The following POLL variants were observed in gnomAD, a reference collection of about 807,000 sequenced individuals.
POLL encodes DNA polymerase lambda.
POLL carries 44 observed loss-of-function variants against 58.1 expected under a neutral mutation model. The ratio of observed to expected loss-of-function variants is 0.76; its 90% CI spans 0.60 to 0.97. POLL has a LOEUF of 0.97. Among genes scored for constraint, POLL ranks in the 50% least tolerant of loss-of-function variants. The pLI, the probability that POLL is intolerant of heterozygous loss-of-function variation, is 0.00. For missense variants in POLL, 632 were observed against 736.8 expected (o/e 0.86, Z 1.65); for synonymous variants, 290 against 283.2 (o/e 1.02, Z -0.24).
chr10:101,587,492 A>T, intron 1 of POLL, 86 bp from the exon 2 acceptor site: 12 of 1,444,170 alleles, frequency 8.3e-6, no homozygotes, highest in Admixed American at 6.1e-5. Context: ...TGGGGGTAGC[A>T]GCCCAGTTTG....
Position 101,583,791 on chromosome 10 carries a change from T to A in POLL, c.892-110A>T, listed in dbSNP as rs2063139900. Reference sequence around the variant, plus strand: ...GCAGATGCTGACATAAAAGCCAGCCTGGCTGCTTGGCAACTGTGTGGCTGT... The same window carrying A: ...GCAGATGCTGACATAAAAGCCAGCCAGGCTGCTTGGCAACTGTGTGGCTGT... On this transcript the variant is annotated intron_variant, in intron 5 of 8. Transcript: ENST00000370162. 7.8e-6 allele frequency: 7 copies of A among 893,878 alleles called. No individual in the cohort carries two copies. The South Asian group carries it at 1.1e-4, about 14-fold the overall frequency. The allele number at this position is 893,878 out of a possible 1,614,324, so 55.4% of individuals were successfully genotyped here.
rs3730474 is a variant in POLL, at chr10:101,580,478, T to C, written c.1195-62A>G. The C allele has an allele frequency of 0.27, 394,958 of 1,483,184 alleles. 54,849 individuals carry two copies. Among genetic ancestry groups the C allele is most frequent in the Non-Finnish European group, 0.29 (315,645 of 1,076,054 alleles). The allele number at this position is 1,483,184 out of a possible 1,614,324, so 91.9% of individuals were successfully genotyped here. A position where few individuals can be genotyped will look rare whatever the true frequency, so the allele number is the denominator to read the frequency against. On this transcript the variant is annotated intron_variant, in intron 7 of 8. Coordinates refer to ENST00000370162, the MANE Select transcript of POLL (RefSeq NM_001174084.2). This position sits in a 1 kb window ranked among gnomAD's most constrained non-coding sequence, Gnocchi z 4.1. ...GTGGGGAGCTCCTCTCCCACAGCAG[T>C]ACAAGGGCCTTCCCAGACTCGGGCC...
In POLL at chr10:101,580,719, A is replaced by T; in HGVS notation, c.1195-303T>A. ...TGGAGCTCTTTAAGAGTAGGGAGACACAGACTCTCTCTGCCCCTGCCCCAG... is the reference window on the plus strand; with the variant it reads ...TGGAGCTCTTTAAGAGTAGGGAGACTCAGACTCTCTCTGCCCCTGCCCCAG... On this transcript the variant is annotated intron_variant, in intron 7 of 8. Coordinates refer to ENST00000370162, the MANE Select transcript of POLL (RefSeq NM_001174084.2). The surrounding 1 kb of genome is among the most constrained non-coding windows in gnomAD (Gnocchi z 4.1). 3.4e-6 allele frequency: 1 copy of T among 291,216 alleles called. No homozygotes were observed. Among genetic ancestry groups the T allele is most frequent in the Non-Finnish European group, 6.4e-6 (1 of 156,374 alleles). 18.0% of individuals were successfully genotyped at this position (291,216 alleles called of 1,614,324 possible). A position where few individuals can be genotyped will look rare whatever the true frequency, so the allele number is the denominator to read the frequency against.
Position 101,587,335 on chromosome 10 carries a change from G to A in POLL, c.26C>T (p.Ala9Val). ...ATGAATTTTCTGCCGCTTGGGAAAT[G>A]CCTTCAAGATACCCCTGGGATCCAT... is the stretch of plus-strand genomic sequence containing the variant. MDPRGILK[A>V]FPKRQKIHAD... is the part of the protein sequence containing the mutation. The change falls in exon 2 of 9, where the codon GCA becomes GTA. Residue 9 changes from alanine to valine, a missense_variant. By Grantham distance (64) the Ala-to-Val change is moderately conservative. Transcript: ENST00000370162. 6.2e-7 allele frequency: 1 copy of A among 1,614,152 alleles called. No homozygotes were observed.
chr10:101,587,514 C>A, intron 1 of POLL, 108 bp from the exon 2 acceptor site: 1 of 1,241,786 alleles, frequency 8.1e-7, no homozygotes, highest in Non-Finnish European at 1.0e-6. Context: ...GGAAGCGGGT[C>A]GGGGGAGGGG....
rs911077073 is a variant in POLL, at chr10:101,579,273, C to T, written c.*180G>A. 1.0e-5 allele frequency: 7 copies of T among 671,346 alleles called. No individual in the cohort carries two copies. Among genetic ancestry groups the T allele is most frequent in the South Asian group, 5.9e-5 (3 of 51,272 alleles). 41.6% of individuals were successfully genotyped at this position (671,346 alleles called of 1,614,324 possible). ...AGAGGGCTGGGCAGACACTGGGAGC[C>T]GGGCAGACACTGGGAGCCGGGCTGG... On this transcript the variant is annotated 3_prime_UTR_variant, in exon 9 of 9. Coordinates refer to ENST00000370162, the MANE Select transcript of POLL (RefSeq NM_001174084.2). This position sits in a 1 kb window ranked among gnomAD's most constrained non-coding sequence, Gnocchi z 4.4.
At position 101,583,513 on chromosome 10, in the gene POLL, G is replaced by A; in HGVS notation, c.1060C>T (p.Gln354Ter). 1 of 1,612,762 alleles carries A rather than the reference G, an allele frequency of 6.2e-7. No homozygotes were observed. Among genetic ancestry groups the A allele is most frequent in the Non-Finnish European group, 8.5e-7 (1 of 1,180,012 alleles). The change falls in exon 6 of 9, where the codon CAA becomes TAA. Residue 354 changes from glutamine (Q) to a stop codon, truncating the protein, a stop_gained. Coordinates refer to ENST00000370162, the MANE Select transcript of POLL (RefSeq NM_001174084.2). LOFTEE classifies it high-confidence loss of function. ...GGGCTGAGCCAGGGTGTGACCTGTT[G>A]GTACCACATCTGGGCAGTCTTGGTC... The part of the protein sequence containing the change: ...AGTKTAQMWY[Q>*]QGFRSLEDIR...
chr10:101,587,537 C>T lies in POLL; in HGVS notation c.-46-131G>A. On this transcript the variant is annotated intron_variant, in intron 1 of 8. Transcript: ENST00000370162. ...GTCGGGGGAGGGGGTCTCTTCAAAC[C>T]CGGTTAAACTTCAGTGGTTTAGCCT... is the stretch of plus-strand genomic sequence containing the variant. 2.0e-6 allele frequency: 3 copies of T among 1,477,744 alleles called. No homozygotes were observed. The South Asian group carries it at 3.7e-5, about 18-fold the overall frequency. The allele number at this position is 1,477,744 out of a possible 1,614,324, so 91.5% of individuals were successfully genotyped here. A position where few individuals can be genotyped will look rare whatever the true frequency, so the allele number is the denominator to read the frequency against.
chr10:101,582,884 C>T lies in POLL; in HGVS notation c.1073G>A (p.Arg358Gln), dbSNP rs1174723963. ...TAQMWYQQGF[R>Q]SLEDIRSQAS... Reference sequence around the variant, plus strand: ...CTGGCTGCGGATGTCTTCCAGACTTCGGAAGCCCTGGAAAAAAGCAGCCAG... The same window carrying T: ...CTGGCTGCGGATGTCTTCCAGACTTTGGAAGCCCTGGAAAAAAGCAGCCAG... The change falls in exon 7 of 9, where the codon CGA becomes CAA. Residue 358 changes from arginine (R) to glutamine (Q), a missense_variant. Physicochemically the swap from Arg to Gln is conservative, Grantham distance 43. Transcript: ENST00000370162. 1.4e-5 allele frequency: 22 copies of T among 1,614,132 alleles called. No individual in the cohort carries two copies. Among genetic ancestry groups the T allele is most frequent in the African/African-American group, 2.7e-5 (2 of 75,020 alleles).
chr10:101,582,474 C>T (rs939184400), intron 7 of POLL, among the ~76,000 whole-genome samples: 1 of 152,180 alleles, frequency 6.6e-6, no homozygotes, highest in African/African-American at 2.4e-5. Context: ...CTAACATTAA[C>T]CCAATCCTAA....
In POLL at chr10:101,585,451, C is replaced by T; in HGVS notation, c.438G>A (p.Lys146=). Residue 146 remains lysine, a synonymous_variant, in exon 4 of 9, where the codon AAG becomes AAA. Coordinates refer to ENST00000370162, the MANE Select transcript of POLL (RefSeq NM_001174084.2). ...GAGGAATAGAAGCATCCTGCTCTGC[C>T]TTGCTGGGCTGTGGATGGTCCAAGT... ...SRYLDHPQPS[K]AEQDASIPPG... The T allele has an allele frequency of 6.3e-7, 1 of 1,578,700 alleles. No homozygotes were observed. Among genetic ancestry groups the T allele is most frequent in the Non-Finnish European group, 8.6e-7 (1 of 1,164,052 alleles).
rs1177928022 is a variant in POLL at position 101,587,920 on chromosome 10, C to T, written c.-145G>A. ...CTCAGCCTCTCGACATGGGGGTGCT[C>T]AGCGCCGCAGCTGCGGGGAGATGGG... On this transcript the variant is annotated 5_prime_UTR_variant, in exon 1 of 9. Coordinates refer to ENST00000370162, the MANE Select transcript of POLL (RefSeq NM_001174084.2). 8.2e-7 allele frequency: 1 copy of T among 1,221,586 alleles called. No homozygotes were observed. Among genetic ancestry groups the T allele is most frequent in the African/African-American group, 1.6e-5 (1 of 64,070 alleles). 75.7% of individuals were successfully genotyped at this position (1,221,586 alleles called of 1,614,324 possible). A position where few individuals can be genotyped will look rare whatever the true frequency, so the allele number is the denominator to read the frequency against.
At chr10:101,583,812 G>A (rs903351141) in intron 5 of POLL, 131 bp from the exon 6 acceptor site, 2 of 713,238 alleles carry the variant, frequency 2.8e-6, no homozygotes, top group Admixed American at 4.8e-5. Context: ...CAACTGTGTG[G>A]CTGTGTAAAG....
intron 7 of POLL, among the ~76,000 whole-genome samples, chr10:101,582,433 A>G (rs1167281665): frequency 2.0e-5 from 3 of 152,220 alleles, no homozygotes; most frequent in Admixed American, 2.0e-4. Context: ...CCCTAACCTC[A>G]GTACAGATAT....
rs1374469114 is a variant in POLL at position 101,579,633 on chromosome 10, C to T, written c.1548G>A (p.Met516Ile). 6.2e-7 allele frequency: 1 copy of T among 1,613,982 alleles called. No individual in the cohort carries two copies. Among genetic ancestry groups the T allele is most frequent in the Non-Finnish European group, 8.5e-7 (1 of 1,180,030 alleles). Residue 516 changes from methionine to isoleucine, a missense_variant, in exon 9 of 9, where the codon ATG becomes ATA. Transcript: ENST00000370162. This position sits in a 1 kb window ranked among gnomAD's most constrained non-coding sequence, Gnocchi z 4.4. ...FTGSAHFNRS[M>I]RALAKTKGMS... ...TGCCCTTGGTTTTGGCCAGGGCTCG[C>T]ATGGAGCGGTTGAAGTGTGCAGAGC...
At position 101,579,704 on chromosome 10, in the gene POLL, C is replaced by T. The variant is rs369974388; in HGVS notation, c.1477G>A (p.Val493Met). The stretch of plus-strand genomic sequence containing the variant: ...CAGGCAAACTCGCTATAGGGCACCA[C>T]GATGATGTCCAGGCGCCGGTGCCGC... ...GRRHRRLDII[V>M]VPYSEFACAL... The change falls in exon 9 of 9, where the codon GTG becomes ATG. Residue 493 changes from valine to methionine, a missense_variant. Coordinates refer to ENST00000370162, the MANE Select transcript of POLL (RefSeq NM_001174084.2). The surrounding 1 kb of genome is among the most constrained non-coding windows in gnomAD (Gnocchi z 4.4). The T allele has an allele frequency of 6.2e-6, 10 of 1,613,712 alleles. No homozygotes were observed. Among genetic ancestry groups the T allele is most frequent in the South Asian group, 4.4e-5 (4 of 91,076 alleles).
At position 101,588,101 on chromosome 10, in the gene POLL, C is replaced by A; in HGVS notation, c.-326G>T. ...GCTAGAAGAAAGCTGGAGTGCCCGA[C>A]CCCGGCCCCAAGAGTCTCTCCAACC... On this transcript the variant is annotated 5_prime_UTR_variant, in exon 1 of 9. Transcript: ENST00000370162. 1 of 1,504,476 alleles carries A rather than the reference C, an allele frequency of 6.6e-7. No homozygotes were observed. The highest frequency in any genetic ancestry group is 8.9e-7 in the Non-Finnish European group (1 of 1,127,506). 93.2% of individuals were successfully genotyped at this position (1,504,476 alleles called of 1,614,324 possible).
chr10:101,580,029 C>T lies in POLL; in HGVS notation c.1364-212G>A. 1.4e-6 allele frequency: 1 copy of T among 693,882 alleles called. No individual in the cohort carries two copies. The highest frequency in any genetic ancestry group is 1.9e-5 in the South Asian group (1 of 52,134). The allele number at this position is 693,882 out of a possible 1,614,324, so 43.0% of individuals were successfully genotyped here. ...CAGAAAGATCAGATGAGATACTTGG[C>T]CTGCAGGGTTCACTGAGCACCTCCA... On this transcript the variant is annotated intron_variant, in intron 8 of 8. Coordinates refer to ENST00000370162, the MANE Select transcript of POLL (RefSeq NM_001174084.2). The surrounding 1 kb of genome is among the most constrained non-coding windows in gnomAD (Gnocchi z 4.1).
At chr10:101,587,617 G>T in intron 1 of POLL, 1 of 1,051,548 alleles carries the variant, frequency 9.5e-7, no homozygotes. Flanking sequence ...ATGAGGGGAA[G>T]GCTGGTGCCA....
Sources: allele counts gnomAD v4.1 joint callset (sites outside exome capture counted in the v4.1 genomes callset), GRCh38; gene constraint gnomAD v4.1.1; non-coding constraint Gnocchi (gnomAD v3.1); transcripts MANE v1.5; gene names NCBI Gene and HGNC (gene_info 2026-07-23, HGNC 2026-07-21).